The following P3H2 variants were observed in gnomAD, a reference collection of about 807,000 sequenced individuals.
The protein encoded by P3H2 is prolyl 3-hydroxylase 2.
P3H2 carries 80 observed loss-of-function variants against 87.0 expected under a neutral mutation model. The ratio of observed to expected loss-of-function variants is 0.92; its 90% CI spans 0.77 to 1.11. P3H2 has a LOEUF of 1.11. Ranked by LOEUF, P3H2 falls within the 50% of genes least tolerant of loss-of-function variation. The pLI is 0.00. For missense variants in P3H2, 1,001 were observed against 923.9 expected (o/e 1.08, Z -1.08); for synonymous variants, 367 against 359.3 (o/e 1.02, Z -0.24).
At chr3:189,966,023 AAAAG>A (rs1469270143) in intron 13 of P3H2, among the ~76,000 whole-genome samples, 3 of 149,502 alleles carry the variant, frequency 2.0e-5, no homozygotes, top group Admixed American at 6.6e-5. Flanking sequence ...GAAAGAAAGA[AAAAG>A]AGAGAGAGAA....
chr3:190,094,023 T>C (rs1327405040), intron 1 of P3H2, among the ~76,000 whole-genome samples: 1 of 152,196 alleles, frequency 6.6e-6, no homozygotes, highest in Non-Finnish European at 1.5e-5. Flanking sequence ...TGAACTAAAA[T>C]AATTTTGATT....
intron 8 of P3H2, 75 bp downstream of exon 8, chr3:189,982,971 G>T: frequency 9.0e-7 from 1 of 1,107,314 alleles, no homozygotes. Flanking sequence ...GTTCTTCCTT[G>T]ATCTGGAAAA....
intron 1 of P3H2, among the ~76,000 whole-genome samples, chr3:190,011,280 A>T (rs894007044): frequency 6.6e-6 from 1 of 151,946 alleles, no homozygotes; most frequent in East Asian, 1.9e-4. Flanking sequence ...TCCAAAAAAA[A>T]AAAAAAAATA....
chr3:190,112,515 G>A (rs1160879179), intron 1 of P3H2, among the ~76,000 whole-genome samples: 2 of 150,302 alleles, frequency 1.3e-5, no homozygotes, highest in African/African-American at 5.0e-5. Context: ...CCTGACCTTA[G>A]GTCTACCAAT....
At chr3:190,049,611 A>C (rs899764920) in intron 1 of P3H2, among the ~76,000 whole-genome samples, 10 of 152,162 alleles carry the variant, frequency 6.6e-5, no homozygotes, top group Admixed American at 1.3e-4. Flanking sequence ...TCATGCTATT[A>C]ATTTATTGGC....
At chr3:190,100,256 C>G (rs1393726420) in intron 1 of P3H2, among the ~76,000 whole-genome samples, 2 of 138,052 alleles carry the variant, frequency 1.4e-5, no homozygotes, top group African/African-American at 5.6e-5. Flanking sequence ...CGCCGCCCCC[C>G]CCCCCAAAAA....
intron 1 of P3H2, among the ~76,000 whole-genome samples, chr3:190,040,874 C>G (rs79000699): frequency 1.3e-5 from 2 of 150,802 alleles, no homozygotes; most frequent in Non-Finnish European, 3.0e-5. Context: ...CATATGTTGG[C>G]GTGTGTGACC....
intron 1 of P3H2, among the ~76,000 whole-genome samples, chr3:190,023,166 C>T (rs950874955): frequency 2.6e-5 from 4 of 152,182 alleles, no homozygotes; most frequent in Non-Finnish European, 4.4e-5. Flanking sequence ...CCAGGTGAAG[C>T]TGGTGCTGCT....
chr3:190,095,662 G>C (rs1270289308), intron 1 of P3H2, among the ~76,000 whole-genome samples: 1 of 149,060 alleles, frequency 6.7e-6, no homozygotes. Flanking sequence ...GTGCAGTGGC[G>C]TGATCTCGGC....
intron 1 of P3H2, among the ~76,000 whole-genome samples, chr3:190,090,464 G>A (rs1249247769): frequency 6.6e-6 from 1 of 152,204 alleles, no homozygotes. Context: ...AGCACTTTGG[G>A]AGGCTGAGGC....
intron 1 of P3H2, among the ~76,000 whole-genome samples, chr3:190,076,190 CACACACAT>C (rs1359667851): frequency 6.6e-6 from 1 of 151,622 alleles, no homozygotes; most frequent in Non-Finnish European, 1.5e-5. Flanking sequence ...TGCACACACA[CACACACAT>C]ACACACACAC....
rs544722623 is a variant in P3H2, at chr3:189,973,471, T to C, written c.1548+438A>G. On this transcript the variant is annotated intron_variant, in intron 10 of 14. Transcript: ENST00000319332. ...CTCTTGCTTCTTTCAGCTGTCCTGA[T>C]AGGTATATATTCAAAACTTTTTTCT... Among the ~76,000 whole-genome samples, 5 of 151,230 alleles carry C rather than the reference T, an allele frequency of 3.3e-5. No homozygotes were observed. In the South Asian group the frequency reaches 1.0e-3, roughly 32 times the overall value.
intron 1 of P3H2, among the ~76,000 whole-genome samples, chr3:190,017,767 C>T (rs1724814313): frequency 6.6e-6 from 1 of 152,162 alleles, no homozygotes; most frequent in African/African-American, 2.4e-5. Context: ...CAATCTATTT[C>T]CTGAAAGGTT....
intron 13 of P3H2, chr3:189,969,746 C>A (rs1370808893): frequency 6.3e-7 from 1 of 1,589,074 alleles, no homozygotes; most frequent in East Asian, 2.2e-5. Context: ...AAATGGCTTG[C>A]CAAATGGAGT....
rs1204596102 is a variant in P3H2 at position 190,120,320 on chromosome 3, T to G, written c.412A>C (p.Ser138Arg). Residue 138 changes from serine (S) to arginine (R), a missense_variant, in exon 1 of 15, where the codon AGC becomes CGC. Physicochemically the swap from Ser to Arg is moderately radical, Grantham distance 110. Transcript: ENST00000319332. ...LGGPASRHRV[S>R]EDVRSDFQRR... ...TGGAAGTCGCTGCGCACATCCTCGC[T>G]GACGCGGTGGCGGGATGCGGGGCCC... The G allele has an allele frequency of 3.1e-6, 5 of 1,605,342 alleles. No individual in the cohort carries two copies. The highest frequency in any genetic ancestry group is 4.2e-6 in the Non-Finnish European group (5 of 1,177,416).
chr3:190,073,020 T>A (rs1726755745), intron 1 of P3H2, among the ~76,000 whole-genome samples: 1 of 152,238 alleles, frequency 6.6e-6, no homozygotes, highest in South Asian at 2.1e-4. Context: ...CCATTTTAAC[T>A]GCATTCATAT....
chr3:190,084,207 A>T (rs1249506778), intron 1 of P3H2, among the ~76,000 whole-genome samples: 1 of 152,318 alleles, frequency 6.6e-6, no homozygotes, highest in African/African-American at 2.4e-5. Context: ...TTCCCGAATA[A>T]TTTCTCACCA....
At chr3:190,116,507 A>C (rs1365056292) in intron 1 of P3H2, 2 of 152,156 alleles carry the variant, frequency 1.3e-5, no homozygotes, top group Admixed American at 1.3e-4. Flanking sequence ...AAGCCTCTAC[A>C]CCTCCCAAGA....
chr3:190,107,834 AGTC>A (rs1711908303), intron 1 of P3H2, among the ~76,000 whole-genome samples: 1 of 152,222 alleles, frequency 6.6e-6, no homozygotes, highest in Non-Finnish European at 1.5e-5. Flanking sequence ...AACTATGATT[AGTC>A]AAATTTATTC....
Sources: gnomAD v4.1 joint callset for allele counts (sites outside exome capture counted in the v4.1 genomes callset) on GRCh38, gnomAD v4.1.1 for gene constraint, MANE v1.5 for transcripts, NCBI Gene and HGNC (gene_info 2026-07-23, HGNC 2026-07-21) for gene names.